PRKCB: variants seen among roughly 807,000 people sequenced by gnomAD.
PRKCB encodes protein kinase C beta.
In PRKCB, 13 loss-of-function variants were observed where a neutral mutation model predicts 81.5. That is an observed-to-expected ratio of 0.16 (90% confidence interval 0.10 to 0.25). PRKCB has a LOEUF of 0.25. PRKCB is among the 10% of genes least tolerant of loss of function. The pLI, the probability that PRKCB is intolerant of heterozygous loss-of-function variation, is 1.00. For synonymous variants in PRKCB, 335 were observed against 321.4 expected (o/e 1.04, Z -0.45); for missense variants, 509 against 875.7 (o/e 0.58, Z 5.29).
intron 13 of PRKCB, among the ~76,000 whole-genome samples, chr16:24,182,308 T>TAGA (rs1967638706): frequency 6.6e-6 from 1 of 151,910 alleles, no homozygotes; most frequent in Non-Finnish European, 1.5e-5. Context: ...CGCTTGAGGG[T>TAGA]AGAAGTTTGA....
chr16:23,876,582 G>GAA lies in PRKCB; in HGVS notation c.205+39186_205+39187dup, dbSNP rs34911734. ...GAAGCCACGGTTTCTTTTTCTTTTT[G>GAA]AAAAAAAAAAATGACATTTGCGTAC... On this transcript the variant is annotated intron_variant, in intron 2 of 16. Transcript: ENST00000643927. 1.3e-3 allele frequency among the ~76,000 whole-genome samples: 188 copies of GAA among 149,592 alleles called. 2 individuals are homozygous for GAA. Among genetic ancestry groups the GAA allele is most frequent in the East Asian group, 8.4e-3 (43 of 5,094 alleles).
At chr16:24,147,135 C>G (rs574730738) in intron 9 of PRKCB, among the ~76,000 whole-genome samples, 2 of 151,774 alleles carry the variant, frequency 1.3e-5, no homozygotes, top group African/African-American at 4.8e-5. Flanking sequence ...GATGAAACCC[C>G]GTCTCTACTA....
chr16:24,157,250 G>T (rs1288908798), intron 10 of PRKCB, among the ~76,000 whole-genome samples: 1 of 152,080 alleles, frequency 6.6e-6, no homozygotes, highest in Non-Finnish European at 1.5e-5. Context: ...CAGTGGGTTT[G>T]GGTCTTGCAT....
chr16:23,983,169 A>G lies in PRKCB; in HGVS notation c.206-5339A>G, dbSNP rs188302415. ...GTCTTACTCTGAATTTGCCAAATAGAAATGAGGGGGCGTTTATTTGTGTCA... is the reference window on the plus strand; with the variant it reads ...GTCTTACTCTGAATTTGCCAAATAGGAATGAGGGGGCGTTTATTTGTGTCA... On this transcript the variant is annotated intron_variant, in intron 2 of 16. Transcript: ENST00000643927. Among the ~76,000 whole-genome samples, 443 of 152,124 alleles carry G rather than the reference A, an allele frequency of 2.9e-3. 2 individuals carry two copies. The highest frequency in any genetic ancestry group is 4.8e-3 in the Non-Finnish European group (329 of 67,988).
In PRKCB at chr16:24,196,906, G is replaced by A. The variant is rs147822824; in HGVS notation, c.1863+5676G>A. ...TGTTCTGGTGAAGTTATTGTTCAGG[G>A]CACACAGCAGGCTGTTGCTGGCCAG... On this transcript the variant is annotated intron_variant, in intron 16 of 16. Coordinates refer to ENST00000643927, the MANE Select transcript of PRKCB (RefSeq NM_002738.7). Among the ~76,000 whole-genome samples the A allele has an allele frequency of 6.8e-4, 103 of 152,298 alleles. 2 individuals are homozygous for A. Among genetic ancestry groups the A allele is most frequent in the African/African-American group, 2.4e-3 (101 of 41,562 alleles).
rs989565733 is a variant in PRKCB at position 23,926,447 on chromosome 16, G to A, written c.206-62061G>A. Among the ~76,000 whole-genome samples, 5 of 148,162 alleles carry A rather than the reference G, an allele frequency of 3.4e-5. No individual in the cohort carries two copies. In the South Asian group the frequency reaches 1.1e-3, roughly 32 times the overall value. On this transcript the variant is annotated intron_variant, in intron 2 of 16. Coordinates refer to ENST00000643927, the MANE Select transcript of PRKCB (RefSeq NM_002738.7). ...TGCAGTGAGCCGAGATTGCCCCACTGCACTCCAGCCTGGGCGACAGAGTGA... is the reference window on the plus strand; with the variant it reads ...TGCAGTGAGCCGAGATTGCCCCACTACACTCCAGCCTGGGCGACAGAGTGA...
intron 3 of PRKCB, among the ~76,000 whole-genome samples, chr16:24,028,407 A>C (rs1204535744): frequency 2.0e-5 from 3 of 152,220 alleles, no homozygotes; most frequent in Non-Finnish European, 4.4e-5. Flanking sequence ...ACTTTTAAAA[A>C]TATAAAGTAA....
intron 1 of PRKCB, among the ~76,000 whole-genome samples, chr16:23,836,930 C>T (rs1297146178): frequency 6.6e-6 from 1 of 152,058 alleles, no homozygotes; most frequent in Non-Finnish European, 1.5e-5. Context: ...TCACTGCGGG[C>T]CCCTTTCTTC....
chr16:23,958,961 C>T (rs1320261851), intron 2 of PRKCB, among the ~76,000 whole-genome samples: 1 of 152,164 alleles, frequency 6.6e-6, no homozygotes, highest in Non-Finnish European at 1.5e-5. Context: ...ACACTTAATA[C>T]TGTAGGTACC....
chr16:23,938,398 G>A (rs2141765448), intron 2 of PRKCB, among the ~76,000 whole-genome samples: 1 of 152,300 alleles, frequency 6.6e-6, no homozygotes, highest in Non-Finnish European at 1.5e-5. Flanking sequence ...TCCAAAATTA[G>A]GAACTTAAGA....
chr16:23,848,808 G>A (rs1962422286), intron 2 of PRKCB, among the ~76,000 whole-genome samples: 1 of 152,192 alleles, frequency 6.6e-6, no homozygotes, highest in Admixed American at 6.5e-5. Flanking sequence ...CCTACTTTAT[G>A]TGAAGTGTTT....
chr16:24,176,755 G>T (rs986557313), intron 12 of PRKCB, among the ~76,000 whole-genome samples: 1 of 152,022 alleles, frequency 6.6e-6, no homozygotes, highest in Non-Finnish European at 1.5e-5. Flanking sequence ...TTAGCTGGGT[G>T]TGGTTGCACA....
intron 9 of PRKCB, among the ~76,000 whole-genome samples, chr16:24,146,434 A>G (rs1966991011): frequency 6.6e-6 from 1 of 152,220 alleles, no homozygotes; most frequent in Non-Finnish European, 1.5e-5. Flanking sequence ...TATTGTTGGC[A>G]TCTCCATTTT....
Position 24,216,156 on chromosome 16 carries a change from G to A in PRKCB, c.*1340G>A. On this transcript the variant is annotated 3_prime_UTR_variant, in exon 17 of 17. Transcript: ENST00000643927. ...CAGTGTTCAGCCACTCGGAGGGGCGGGGGCTGTGGCCCATTCAGGGGCTGC... is the reference window on the plus strand; with the variant it reads ...CAGTGTTCAGCCACTCGGAGGGGCGAGGGCTGTGGCCCATTCAGGGGCTGC... 1.0e-6 allele frequency: 1 copy of A among 985,504 alleles called. No homozygotes were observed. Among genetic ancestry groups the A allele is most frequent in the East Asian group, 1.1e-4 (1 of 8,816 alleles). The allele number at this position is 985,504 out of a possible 1,614,324, so 61.0% of individuals were successfully genotyped here.
chr16:24,021,875 T>C (rs7199777), intron 3 of PRKCB, among the ~76,000 whole-genome samples: 103,462 of 152,050 alleles, frequency 0.68, 35,659 homozygotes, highest in South Asian at 0.81. Flanking sequence ...GTAGTATGTG[T>C]TCAATTCAAT....
At chr16:23,841,766 G>C (rs528284268) in intron 2 of PRKCB, among the ~76,000 whole-genome samples, 1 of 143,822 alleles carries the variant, frequency 7.0e-6, no homozygotes, top group Non-Finnish European at 1.5e-5. Flanking sequence ...AGTGATTCTC[G>C]TGCCTCAGCC....
intron 9 of PRKCB, among the ~76,000 whole-genome samples, chr16:24,135,564 C>T (rs779247627): frequency 6.6e-6 from 1 of 152,146 alleles, no homozygotes; most frequent in Non-Finnish European, 1.5e-5. Context: ...CCGCCTGCCT[C>T]AGCCTCCCAA....
rs1161631691 is a variant in PRKCB at position 24,215,773 on chromosome 16, A to C, written c.*957A>C. On this transcript the variant is annotated 3_prime_UTR_variant, in exon 17 of 17. Transcript: ENST00000643927. Reference sequence around the variant, plus strand: ...CAAGAAGACGGCTGCGGAGCCTAGCAGACTCAGGCCTGTGGGAATGGGATT... The same window carrying C: ...CAAGAAGACGGCTGCGGAGCCTAGCCGACTCAGGCCTGTGGGAATGGGATT... The C allele has an allele frequency of 4.7e-5, 46 of 985,754 alleles. No individual in the cohort carries two copies. The highest frequency in any genetic ancestry group is 5.3e-5 in the Non-Finnish European group (44 of 829,946). 61.1% of individuals were successfully genotyped at this position (985,754 alleles called of 1,614,324 possible). A position where few individuals can be genotyped will look rare whatever the true frequency, so the allele number is the denominator to read the frequency against.
chr16:23,882,989 G>A (rs1963147309), intron 2 of PRKCB, among the ~76,000 whole-genome samples: 1 of 152,084 alleles, frequency 6.6e-6, no homozygotes. Flanking sequence ...GCTTCTAACT[G>A]CACCACAGCT....
Sources: allele counts gnomAD v4.1 joint callset (sites outside exome capture counted in the v4.1 genomes callset), GRCh38; gene constraint gnomAD v4.1.1; transcripts MANE v1.5; gene names NCBI Gene and HGNC (gene_info 2026-07-23, HGNC 2026-07-21).